The following CELF2 variants were observed in gnomAD, a reference collection of about 807,000 sequenced individuals.
CELF2 encodes CUG triplet repeat RNA-binding protein 2.
Under a neutral mutation model 62.6 loss-of-function variants are expected in CELF2, and 8 were observed. The ratio of observed to expected loss-of-function variants is 0.13; its 90% CI spans 0.07 to 0.23. The LOEUF (loss-of-function observed/expected upper bound fraction) is 0.23. Ranked by LOEUF, CELF2 falls within the 10% of genes least tolerant of loss-of-function variation. CELF2 has a pLI of 1.00. For missense variants in CELF2, 333 were observed against 671.0 expected (o/e 0.50, Z 5.56); for synonymous variants, 258 against 250.0 (o/e 1.03, Z -0.30).
the CELF2 span, among the ~76,000 whole-genome samples, chr10:10,752,102 G>A: frequency 6.6e-5 from 10 of 152,200 alleles, no homozygotes; most frequent in Non-Finnish European, 1.3e-4. Flanking sequence ...ACAGACGAAG[G>A]TTGCTTCTCA....
Position 11,211,413 on chromosome 10 carries a change from C to A in CELF2, c.272-6012C>A, listed in dbSNP as rs1424302190. Among the ~76,000 whole-genome samples the A allele has an allele frequency of 6.6e-6, 1 of 152,174 alleles. No individual in the cohort carries two copies. Among genetic ancestry groups the A allele is most frequent in the East Asian group, 1.9e-4 (1 of 5,194 alleles). On this transcript the variant is annotated intron_variant, in intron 2 of 12. Coordinates refer to ENST00000633077, the MANE Select transcript of CELF2 (RefSeq NM_001326342.2). This position sits in a 1 kb window ranked among gnomAD's most constrained non-coding sequence, Gnocchi z 4.8. ...GAAGTTTCTTTAATGAGTATGGTGT[C>A]AGTTTTCTTAAGGGCAGAATGAGTT...
At chr10:10,706,376 G>C in the CELF2 span, among the ~76,000 whole-genome samples, 2 of 152,134 alleles carry the variant, frequency 1.3e-5, no homozygotes, top group Non-Finnish European at 2.9e-5. Context: ...AGTGGTGCAG[G>C]GGAAGTTTGC....
chr10:10,758,389 G>C, the CELF2 span, among the ~76,000 whole-genome samples: 2 of 152,128 alleles, frequency 1.3e-5, no homozygotes, highest in South Asian at 4.1e-4. Context: ...TCAGCACTAC[G>C]ACTCTTTGGC....
chr10:10,526,118 T>G, the CELF2 span, among the ~76,000 whole-genome samples: 8 of 152,356 alleles, frequency 5.3e-5, no homozygotes, highest in East Asian at 1.3e-3. Context: ...ATTTCTAAGT[T>G]GCTTAGCTCT....
intron 4 of CELF2, among the ~76,000 whole-genome samples, chr10:11,250,114 G>T (rs1290586769): frequency 1.3e-5 from 2 of 152,242 alleles, no homozygotes; most frequent in Non-Finnish European, 2.9e-5. Context: ...GCTAATTGTA[G>T]TGCATTCCAT....
intron 2 of CELF2, among the ~76,000 whole-genome samples, chr10:10,962,832 C>G (rs2049680672): frequency 6.6e-6 from 1 of 152,138 alleles, no homozygotes. Flanking sequence ...TCCCAGCCTC[C>G]CAGTGGTCAC....
At chr10:10,481,598 A>C in the CELF2 span, among the ~76,000 whole-genome samples, 1 of 152,340 alleles carries the variant, frequency 6.6e-6, no homozygotes, top group East Asian at 1.9e-4. Flanking sequence ...ATACTCTGAA[A>C]GAACTAAAAG....
intron 1 of CELF2, among the ~76,000 whole-genome samples, chr10:10,854,548 A>T (rs1420391385): frequency 6.6e-6 from 1 of 152,136 alleles, no homozygotes; most frequent in Non-Finnish European, 1.5e-5. Context: ...GGCAAAAATG[A>T]TTCCAGCTTT....
chr10:10,999,518 T>C (rs2054304811), intron 2 of CELF2, among the ~76,000 whole-genome samples: 1 of 152,214 alleles, frequency 6.6e-6, no homozygotes, highest in South Asian at 2.1e-4. Flanking sequence ...GGAGGAACAC[T>C]TGAGCCCAGG....
At chr10:11,278,457 G>A (rs1211098834) in intron 8 of CELF2, among the ~76,000 whole-genome samples, 1 of 152,164 alleles carries the variant, frequency 6.6e-6, no homozygotes, top group Non-Finnish European at 1.5e-5. Context: ...GTGAATTTCA[G>A]AAATCTCAGA....
upstream of CELF2, among the ~76,000 whole-genome samples, chr10:11,014,542 G>A (rs2056964575): frequency 6.6e-6 from 1 of 152,106 alleles, no homozygotes; most frequent in African/African-American, 2.4e-5. Flanking sequence ...GAGTGAGGTG[G>A]CAGGAAAAGG....
At chr10:10,742,040 C>G in the CELF2 span, among the ~76,000 whole-genome samples, 2 of 152,144 alleles carry the variant, frequency 1.3e-5, no homozygotes, top group African/African-American at 2.4e-5. Context: ...TTATCTAATA[C>G]TACCATTATT....
rs2053337930 is a variant in CELF2 at position 10,990,779 on chromosome 10, T to C, written c.89+70780T>C. ...CAGGAAAGAGGATTCAATAAGATGC[T>C]CAGAAATGTACCAACTGACATTTTA... On this transcript the variant is annotated intron_variant, in intron 2 of 13. Transcript: ENST00000636488. The surrounding 1 kb of genome is among the most constrained non-coding windows in gnomAD (Gnocchi z 4.6). Among the ~76,000 whole-genome samples the C allele has an allele frequency of 6.6e-6, 1 of 152,198 alleles. No individual in the cohort carries two copies. Among genetic ancestry groups the C allele is most frequent in the South Asian group, 2.1e-4 (1 of 4,832 alleles).
upstream of CELF2, among the ~76,000 whole-genome samples, chr10:10,796,378 G>T (rs1011416579): frequency 2.0e-5 from 3 of 152,162 alleles, no homozygotes; most frequent in Admixed American, 2.0e-4. Context: ...CTTGGGCTTG[G>T]TACAAGATTT....
the CELF2 span, among the ~76,000 whole-genome samples, chr10:10,500,665 A>G: frequency 1.2e-4 from 18 of 152,182 alleles, no homozygotes; most frequent in South Asian, 4.1e-4. Context: ...TCTCAGCAGC[A>G]TGAAAATGGA....
intron 1 of CELF2, among the ~76,000 whole-genome samples, chr10:11,144,364 G>A (rs1449960810): frequency 6.6e-6 from 1 of 152,114 alleles, no homozygotes; most frequent in African/African-American, 2.4e-5. Context: ...AAGTCATAAG[G>A]AATGTCATCT....
Position 11,157,176 on chromosome 10 carries a change from C to T in CELF2, c.75-8310C>T, listed in dbSNP as rs762493222. ...CAAAGTCACCCATGCACATGACTGC[C>T]GTCGGCGCCAGGGTCTTTGCTGGTA... On this transcript the variant is annotated intron_variant, in intron 1 of 12. Transcript: ENST00000633077. The surrounding 1 kb of genome is among the most constrained non-coding windows in gnomAD (Gnocchi z 4.9). Among the ~76,000 whole-genome samples the T allele has an allele frequency of 6.6e-6, 1 of 152,060 alleles. No homozygotes were observed. Among genetic ancestry groups the T allele is most frequent in the African/African-American group, 2.4e-5 (1 of 41,376 alleles).
intron 1 of CELF2, among the ~76,000 whole-genome samples, chr10:11,095,521 G>A (rs1220638121): frequency 6.6e-6 from 1 of 152,156 alleles, no homozygotes; most frequent in African/African-American, 2.4e-5. Context: ...TTAAATCCAC[G>A]ACCTGCAGGG....
the CELF2 span, among the ~76,000 whole-genome samples, chr10:10,659,481 C>T: frequency 1.1e-4 from 16 of 152,288 alleles, no homozygotes; most frequent in Admixed American, 3.3e-4. Context: ...TCATGCTTCT[C>T]CCTCCCCTCC....
Sources: allele counts gnomAD v4.1 joint callset (sites outside exome capture counted in the v4.1 genomes callset), GRCh38; gene constraint gnomAD v4.1.1; non-coding constraint Gnocchi (gnomAD v3.1); transcripts MANE v1.5; gene names NCBI Gene and HGNC (gene_info 2026-07-23, HGNC 2026-07-21).